LARGE1: variants seen among roughly 807,000 people sequenced by gnomAD.
LARGE1 encodes the protein xylosyl- and glucuronyltransferase LARGE1.
A neutral mutation model predicts 87.6 loss-of-function variants in LARGE1; 43 were observed. That is an observed-to-expected ratio of 0.49 (90% CI 0.38 to 0.63). The LOEUF (loss-of-function observed/expected upper bound fraction) is 0.63, where lower values mean the gene tolerates loss of function less well. LARGE1 is among the 30% of genes least tolerant of loss of function. The pLI, the probability that LARGE1 is intolerant of heterozygous loss-of-function variation, is 0.00. For missense variants in LARGE1, 802 were observed against 1,000.2 expected, an observed-to-expected ratio of 0.80 and a Z score of 2.67; for synonymous variants, 434 against 394.6, an observed-to-expected ratio of 1.10 and a Z score of -1.18.
intron 11 of LARGE1, among the ~76,000 whole-genome samples, chr22:33,310,521 G>C (rs527583354): frequency 6.6e-6 from 1 of 152,212 alleles, no homozygotes; most frequent in Admixed American, 6.5e-5. Flanking sequence ...CATTCTTTCT[G>C]AACGGAATTC....
chr22:33,470,597 G>A (rs1049086075), intron 6 of LARGE1, among the ~76,000 whole-genome samples: 5 of 152,162 alleles, frequency 3.3e-5, no homozygotes, highest in East Asian at 1.9e-4. Context: ...TCTCAGCCCC[G>A]TGTGGGCACA....
At chr22:33,565,058 A>G (rs567865314) in intron 5 of LARGE1, 39 bp from the exon 6 acceptor site, 7 of 1,567,710 alleles carry the variant, frequency 4.5e-6, no homozygotes, top group South Asian at 2.2e-5. Flanking sequence ...GGAGAAAGGG[A>G]AAAAAAATTG....
chr22:33,873,825 T>A (rs1214111651), intron 1 of LARGE1, among the ~76,000 whole-genome samples: 1 of 151,872 alleles, frequency 6.6e-6, no homozygotes, highest in Admixed American at 6.6e-5. Flanking sequence ...CCTGCCCTCC[T>A]CACTCCATGT....
At chr22:33,449,924 T>C (rs2067843886) in intron 6 of LARGE1, among the ~76,000 whole-genome samples, 1 of 152,124 alleles carries the variant, frequency 6.6e-6, no homozygotes, top group African/African-American at 2.4e-5. Flanking sequence ...TTTGTACTTT[T>C]TTTTTTTTGA....
chr22:33,849,392 T>C (rs1359991085), intron 1 of LARGE1, among the ~76,000 whole-genome samples: 1 of 152,156 alleles, frequency 6.6e-6, no homozygotes, highest in East Asian at 1.9e-4. Context: ...TATCCATGTA[T>C]CTCAGAGGAT....
upstream of LARGE1, among the ~76,000 whole-genome samples, chr22:33,920,634 G>A (rs1314158571): frequency 7.0e-6 from 1 of 143,582 alleles, no homozygotes; most frequent in African/African-American, 2.5e-5. Flanking sequence ...GGGGCGCGGG[G>A]CTAGGGGAGG....
intron 11 of LARGE1, among the ~76,000 whole-genome samples, chr22:33,253,190 T>C (rs1472863285): frequency 1.3e-5 from 2 of 152,244 alleles, no homozygotes; most frequent in Admixed American, 6.5e-5. Flanking sequence ...ATAGGGATAA[T>C]GCTGCCTATC....
chr22:33,767,575 T>G (rs2084945091), intron 1 of LARGE1, among the ~76,000 whole-genome samples: 1 of 151,890 alleles, frequency 6.6e-6, no homozygotes, highest in Non-Finnish European at 1.5e-5. Flanking sequence ...AGTTACCATT[T>G]GAGAGACTCC....
the LARGE1 span, chr22:33,105,524 T>C: frequency 6.6e-6 from 1 of 152,054 alleles, no homozygotes; most frequent in Non-Finnish European, 1.5e-5. Context: ...GCGAGGAGCT[T>C]CCCGAGGCTC....
At chr22:33,360,397 G>A (rs1286357089) in intron 9 of LARGE1, among the ~76,000 whole-genome samples, 1 of 149,616 alleles carries the variant, frequency 6.7e-6, no homozygotes, top group Non-Finnish European at 1.5e-5. Flanking sequence ...TGTACAGGAA[G>A]CATAGTGGCA....
At chr22:33,652,357 A>ATT (rs1423292311) in intron 2 of LARGE1, among the ~76,000 whole-genome samples, 1 of 151,354 alleles carries the variant, frequency 6.6e-6, no homozygotes, top group African/African-American at 2.5e-5. Context: ...GAGAGCTAAC[A>ATT]TTAAAAAAAA....
At chr22:33,784,879 T>C (rs1207978802) in intron 1 of LARGE1, among the ~76,000 whole-genome samples, 1 of 149,832 alleles carries the variant, frequency 6.7e-6, no homozygotes, top group African/African-American at 2.5e-5. Context: ...ATTTATACTA[T>C]ATTTGTACAG....
chr22:33,116,678 A>G, the LARGE1 span, among the ~76,000 whole-genome samples: 2 of 152,088 alleles, frequency 1.3e-5, no homozygotes, highest in East Asian at 1.9e-4. Flanking sequence ...ATTAGTTTCA[A>G]TGATTATTTC....
At chr22:33,659,744 TAA>T (rs71187276) in intron 2 of LARGE1, among the ~76,000 whole-genome samples, 2,247 of 121,998 alleles carry the variant, frequency 0.018, 43 homozygotes, top group African/African-American at 0.056. Flanking sequence ...GAAGAACAGT[TAA>T]AAAAAAAAAA....
intron 6 of LARGE1, among the ~76,000 whole-genome samples, chr22:33,438,367 T>C (rs957807435): frequency 2.6e-5 from 4 of 152,208 alleles, no homozygotes; most frequent in Non-Finnish European, 4.4e-5. Flanking sequence ...AAACGCTTTG[T>C]CATTGTTTTC....
At chr22:33,884,140 A>G (rs2064776595) in intron 1 of LARGE1, among the ~76,000 whole-genome samples, 2 of 152,140 alleles carry the variant, frequency 1.3e-5, no homozygotes, top group African/African-American at 4.8e-5. Flanking sequence ...CAACCACACC[A>G]CCTGTCTCAC....
the LARGE1 span, among the ~76,000 whole-genome samples, chr22:33,148,961 C>T: frequency 6.6e-6 from 1 of 151,650 alleles, no homozygotes; most frequent in Admixed American, 6.6e-5. Context: ...AATATATTTA[C>T]AATGTAAGTG....
chr22:33,179,207 C>G (rs72620415), intron 11 of LARGE1, among the ~76,000 whole-genome samples: 25,381 of 152,084 alleles, frequency 0.17, 2,271 homozygotes, highest in South Asian at 0.32. Flanking sequence ...AAGGCATATT[C>G]AAACCATAGC....
At chr22:33,837,655 C>T (rs947716354) in intron 1 of LARGE1, among the ~76,000 whole-genome samples, 7 of 152,182 alleles carry the variant, frequency 4.6e-5, no homozygotes, top group African/African-American at 1.7e-4. Context: ...CAGGATGCCT[C>T]GGAAGAAGAG....
Sources: allele counts gnomAD v4.1 joint callset (sites outside exome capture counted in the v4.1 genomes callset), GRCh38; gene constraint gnomAD v4.1.1; transcripts MANE v1.5; gene names NCBI Gene and HGNC (gene_info 2026-07-23, HGNC 2026-07-21).